NRXN3: variants seen among roughly 807,000 people sequenced by gnomAD.
NRXN3 encodes the protein neurexin 3.
A neutral mutation model predicts 137.6 loss-of-function variants in NRXN3; 32 were observed. The ratio of observed to expected loss-of-function variants is 0.23; its 90% confidence interval spans 0.18 to 0.31. NRXN3 has a LOEUF of 0.31. NRXN3 is among the 10% of genes least tolerant of loss of function. The pLI is 1.00. For missense variants in NRXN3, 1,574 were observed against 2,062.5 expected (o/e 0.76, Z 4.59); for synonymous variants, 798 against 784.5 (o/e 1.02, Z -0.29).
chr14:79,833,985 C>A (rs1004528760), intron 20 of NRXN3, among the ~76,000 whole-genome samples: 1 of 152,136 alleles, frequency 6.6e-6, no homozygotes, highest in African/African-American at 2.4e-5. Flanking sequence ...GAAAAGAGTT[C>A]TGGCTGCCCT....
At position 79,412,314 on chromosome 14, in the gene NRXN3, G is replaced by A. The variant is rs78263246; in HGVS notation, c.3263-54907G>A. 3.7e-4 allele frequency among the ~76,000 whole-genome samples: 57 copies of A among 152,240 alleles called. No homozygotes were observed. The East Asian group carries it at 8.3e-3, about 22-fold the overall frequency. On this transcript the variant is annotated intron_variant, in intron 15 of 20. Transcript: ENST00000335750. ...TAGGTTTTATTTACAAATACTTATG[G>A]ATTAGTGGGGGCCCTTTCACTAGGC...
intron 3 of NRXN3, among the ~76,000 whole-genome samples, chr14:78,294,954 G>T (rs533774284): frequency 1.3e-5 from 2 of 152,258 alleles, no homozygotes; most frequent in African/African-American, 2.4e-5. Flanking sequence ...TGAATTGTTT[G>T]GATGATTGGT....
At chr14:79,769,708 G>A (rs994622409) in intron 19 of NRXN3, among the ~76,000 whole-genome samples, 2 of 151,670 alleles carry the variant, frequency 1.3e-5, no homozygotes, top group Non-Finnish European at 2.9e-5. Context: ...GGAAGAAACT[G>A]CATCAACTAA....
intron 15 of NRXN3, among the ~76,000 whole-genome samples, chr14:79,147,102 G>C (rs533421122): frequency 3.3e-5 from 5 of 152,268 alleles, no homozygotes; most frequent in Admixed American, 2.0e-4. Context: ...ATGGGTGTAA[G>C]AGGGTGAGAG....
At chr14:79,269,527 T>C (rs1419370552) in intron 15 of NRXN3, among the ~76,000 whole-genome samples, 2 of 152,212 alleles carry the variant, frequency 1.3e-5, no homozygotes, top group Non-Finnish European at 2.9e-5. Flanking sequence ...CTTCTTTTTC[T>C]TACCGGCGAC....
At chr14:78,735,555 G>A (rs1364636195) in intron 8 of NRXN3, among the ~76,000 whole-genome samples, 1 of 152,106 alleles carries the variant, frequency 6.6e-6, no homozygotes, top group Non-Finnish European at 1.5e-5. Context: ...CTGAAGTTTG[G>A]TTAAGGCAAA....
At chr14:78,494,882 A>G (rs1350728459) in intron 4 of NRXN3, among the ~76,000 whole-genome samples, 1 of 130,764 alleles carries the variant, frequency 7.6e-6, no homozygotes. Flanking sequence ...CCTCAGAGTG[A>G]GGTGTGTTTT....
chr14:78,442,378 A>T (rs866714308), intron 4 of NRXN3, among the ~76,000 whole-genome samples: 149 of 152,200 alleles, frequency 9.8e-4, no homozygotes, highest in African/African-American at 3.4e-3. Context: ...ATGTGGCCAC[A>T]GGCCAAGGAA....
chr14:78,803,310 G>A (rs1294260220), intron 8 of NRXN3, among the ~76,000 whole-genome samples: 1 of 152,118 alleles, frequency 6.6e-6, no homozygotes, highest in African/African-American at 2.4e-5. Flanking sequence ...TGTGAGGGGC[G>A]TTTTGACTTT....
chr14:78,809,661 A>G (rs542849195), intron 9 of NRXN3, among the ~76,000 whole-genome samples: 1 of 152,296 alleles, frequency 6.6e-6, no homozygotes, highest in South Asian at 2.1e-4. Flanking sequence ...CCTTACCACT[A>G]AGGAAGATGG....
At chr14:79,225,906 C>T (rs994539608) in intron 15 of NRXN3, among the ~76,000 whole-genome samples, 7 of 152,032 alleles carry the variant, frequency 4.6e-5, no homozygotes, top group South Asian at 2.1e-4. Flanking sequence ...GCCTTTCTTC[C>T]GTCTTCAAAG....
At chr14:79,722,096 T>C (rs1315011149) in intron 19 of NRXN3, among the ~76,000 whole-genome samples, 1 of 152,104 alleles carries the variant, frequency 6.6e-6, no homozygotes, top group Non-Finnish European at 1.5e-5. Context: ...CGTATTAATA[T>C]CAACTTTATA....
intron 19 of NRXN3, chr14:79,791,135 G>A (rs2099143926): frequency 6.6e-6 from 1 of 152,148 alleles, no homozygotes; most frequent in Non-Finnish European, 1.5e-5. Flanking sequence ...GGTGGGCATT[G>A]TAATCACGGT....
chr14:79,153,902 G>A (rs2060017958), intron 15 of NRXN3, among the ~76,000 whole-genome samples: 1 of 152,044 alleles, frequency 6.6e-6, no homozygotes, highest in South Asian at 2.1e-4. Context: ...TTTGGAAGGA[G>A]TAGCATCCTC....
rs1180330569 is a variant in NRXN3, at chr14:79,647,674, A to G, written c.3445-16104A>G. ...AGCCGACCCATCTCTCTGAAGCAGCAGTTGGGCCATTACATTTTGGCAGGC... is the reference window on the plus strand; with the variant it reads ...AGCCGACCCATCTCTCTGAAGCAGCGGTTGGGCCATTACATTTTGGCAGGC... On this transcript the variant is annotated intron_variant, in intron 16 of 20. Coordinates refer to ENST00000335750, the MANE Select transcript of NRXN3 (RefSeq NM_001330195.2). Among the ~76,000 whole-genome samples, 5 of 135,814 alleles carry G rather than the reference A, an allele frequency of 3.7e-5. No individual in the cohort carries two copies. In the East Asian group the frequency reaches 9.8e-4, roughly 27 times the overall value. The allele number at this position is 135,814 out of a possible 152,430, so 89.1% of individuals were successfully genotyped here. A position where few individuals can be genotyped will look rare whatever the true frequency, so the allele number is the denominator to read the frequency against.
intron 15 of NRXN3, among the ~76,000 whole-genome samples, chr14:79,308,822 C>G (rs987940497): frequency 2.9e-5 from 4 of 138,174 alleles, no homozygotes; most frequent in Non-Finnish European, 6.3e-5. Flanking sequence ...GTGTTTGTTC[C>G]TCATCAGCAC....
At chr14:79,680,303 T>C (rs926138011) in intron 17 of NRXN3, among the ~76,000 whole-genome samples, 19 of 152,110 alleles carry the variant, frequency 1.2e-4, no homozygotes, top group Admixed American at 9.2e-4. Flanking sequence ...GAAAATTGCT[T>C]GAGCCCAGGA....
intron 4 of NRXN3, among the ~76,000 whole-genome samples, chr14:78,536,608 CTT>C (rs111375477): frequency 0.23 from 34,497 of 147,674 alleles, 4,190 homozygotes; most frequent in Middle Eastern, 0.3. Flanking sequence ...GATTATTTTT[CTT>C]TTTTTTTTTT....
At chr14:78,447,798 A>G (rs1295768832) in intron 4 of NRXN3, among the ~76,000 whole-genome samples, 1 of 152,242 alleles carries the variant, frequency 6.6e-6, no homozygotes, top group African/African-American at 2.4e-5. Flanking sequence ...AACTTCATAA[A>G]GCAAGTGAGG....
Sources: gnomAD v4.1 joint callset for allele counts (sites outside exome capture counted in the v4.1 genomes callset) on GRCh38, gnomAD v4.1.1 for gene constraint, MANE v1.5 for transcripts, NCBI Gene and HGNC (gene_info 2026-07-23, HGNC 2026-07-21) for gene names.